The following PARD3B variants were observed in gnomAD, a reference collection of about 807,000 sequenced individuals.
PARD3B encodes the protein partitioning defective 3 homolog B.
PARD3B carries 103 observed loss-of-function variants against 130.2 expected under a neutral mutation model. That is an observed-to-expected ratio of 0.79 (90% CI 0.67 to 0.93). The LOEUF (loss-of-function observed/expected upper bound fraction) is 0.93, where lower values mean the gene tolerates loss of function less well. Among genes scored for constraint, PARD3B ranks in the 40% least tolerant of loss-of-function variants. The pLI is 0.00. For missense variants in PARD3B, 1,609 were observed against 1,499.2 expected (o/e 1.07, Z -1.21); for synonymous variants, 583 against 553.2 (o/e 1.05, Z -0.76).
chr2:205,132,974 G>T (rs1232454514), intron 10 of PARD3B, among the ~76,000 whole-genome samples: 1 of 151,990 alleles, frequency 6.6e-6, no homozygotes, highest in East Asian at 1.9e-4. Context: ...TAGAAGGCTG[G>T]GAAACGTATT....
In PARD3B at chr2:205,203,619, C is replaced by T. The variant is rs185058231; in HGVS notation, c.2140+10299C>T. On this transcript the variant is annotated intron_variant, in intron 15 of 22. Transcript: ENST00000406610. Reference sequence around the variant, plus strand: ...CCTCCCCTATGCTCCCACCCCCCAACAGGCCCTGGTGTGTGATGTTCCTCT... The same window carrying T: ...CCTCCCCTATGCTCCCACCCCCCAATAGGCCCTGGTGTGTGATGTTCCTCT... 3.8e-3 allele frequency among the ~76,000 whole-genome samples: 577 copies of T among 152,222 alleles called. 5 individuals are homozygous for T. The highest frequency in any genetic ancestry group is 0.013 in the African/African-American group (542 of 41,520).
chr2:205,458,399 C>T lies in PARD3B; in HGVS notation c.3044+17727C>T, dbSNP rs1324661193. Among the ~76,000 whole-genome samples the T allele has an allele frequency of 6.6e-6, 1 of 151,914 alleles. No homozygotes were observed. The highest frequency in any genetic ancestry group is 1.5e-5 in the Non-Finnish European group (1 of 67,964). On this transcript the variant is annotated intron_variant, in intron 20 of 22. Transcript: ENST00000406610. The surrounding 1 kb of genome is among the most constrained non-coding windows in gnomAD (Gnocchi z 4.8). ...CTGTACATGCGTCTTGCTCTCTGTT[C>T]GTTTCTGGTTTTCTCTCTGTGATGC...
At chr2:204,700,555 A>G (rs1213910332) in intron 2 of PARD3B, among the ~76,000 whole-genome samples, 1 of 152,158 alleles carries the variant, frequency 6.6e-6, no homozygotes, top group African/African-American at 2.4e-5. Context: ...TTAATACTTC[A>G]GCCAAATCAG....
intron 15 of PARD3B, among the ~76,000 whole-genome samples, chr2:205,234,987 A>G (rs532300532): frequency 6.6e-6 from 1 of 152,372 alleles, no homozygotes; most frequent in South Asian, 2.1e-4. Context: ...TATTTGAACT[A>G]CATGAAAATA....
At chr2:205,386,653 T>G (rs1224422686) in intron 18 of PARD3B, among the ~76,000 whole-genome samples, 1 of 26,684 alleles carries the variant, frequency 3.7e-5, no homozygotes, top group African/African-American at 9.5e-5. Context: ...TTAAGTAGAG[T>G]TTTTTTTTTT....
chr2:205,252,652 C>T (rs536199464), intron 16 of PARD3B, among the ~76,000 whole-genome samples: 6 of 151,968 alleles, frequency 3.9e-5, no homozygotes, highest in African/African-American at 1.5e-4. Context: ...AGTGTGGCAG[C>T]AGTACAAAGA....
intron 10 of PARD3B, among the ~76,000 whole-genome samples, chr2:205,126,134 A>G (rs931047948): frequency 1.3e-5 from 2 of 152,234 alleles, no homozygotes; most frequent in African/African-American, 2.4e-5. Flanking sequence ...AGTATTCAAA[A>G]TGGCGATGAA....
chr2:205,083,885 CTTGT>C (rs1391933492), intron 4 of PARD3B, among the ~76,000 whole-genome samples: 6 of 152,192 alleles, frequency 3.9e-5, no homozygotes, highest in African/African-American at 9.6e-5. Context: ...ACATTGCCAT[CTTGT>C]TTATTTTCCC....
intron 14 of PARD3B, among the ~76,000 whole-genome samples, chr2:205,192,886 G>A (rs2036470417): frequency 6.6e-6 from 1 of 152,166 alleles, no homozygotes; most frequent in South Asian, 2.1e-4. Flanking sequence ...CTTTTGAAGT[G>A]CTAGTGTTTT....
intron 19 of PARD3B, among the ~76,000 whole-genome samples, chr2:205,416,320 G>A (rs371308922): frequency 6.6e-6 from 1 of 152,094 alleles, no homozygotes. Flanking sequence ...ATCCTCTTAT[G>A]AGCATCTGAT....
At chr2:204,824,527 G>GTACATCA (rs1463812823) in intron 2 of PARD3B, among the ~76,000 whole-genome samples, 3 of 152,082 alleles carry the variant, frequency 2.0e-5, no homozygotes, top group African/African-American at 7.2e-5. Flanking sequence ...CTCTATTTGA[G>GTACATCA]TACATCATAT....
At position 205,067,218 on chromosome 2, in the gene PARD3B, A is replaced by G. The variant is rs568429040; in HGVS notation, c.504+19528A>G. On this transcript the variant is annotated intron_variant, in intron 4 of 22. Coordinates refer to ENST00000406610, the MANE Select transcript of PARD3B (RefSeq NM_001302769.2). The stretch of plus-strand genomic sequence containing the variant: ...ACTCTGTCACTCAGACTGGAGTGCA[A>G]TGCTGCAATCCTAGCTCACTGTAAG... Among the ~76,000 whole-genome samples the G allele has an allele frequency of 8.7e-5, 13 of 149,592 alleles. No homozygotes were observed. In the South Asian group the frequency reaches 1.3e-3, roughly 14 times the overall value.
chr2:204,714,166 A>G (rs1440682150), intron 2 of PARD3B, among the ~76,000 whole-genome samples: 1 of 152,176 alleles, frequency 6.6e-6, no homozygotes, highest in Admixed American at 6.5e-5. Context: ...TGTATTTCTG[A>G]GAATGGAAAT....
intron 1 of PARD3B, among the ~76,000 whole-genome samples, chr2:204,631,635 T>G (rs1309756999): frequency 1.3e-5 from 2 of 152,218 alleles, no homozygotes; most frequent in African/African-American, 4.8e-5. Context: ...ATTGTTATCC[T>G]ATCATCATGG....
chr2:205,033,656 A>C (rs968350979), intron 3 of PARD3B, among the ~76,000 whole-genome samples: 3 of 152,148 alleles, frequency 2.0e-5, no homozygotes, highest in Non-Finnish European at 4.4e-5. Context: ...TTTTACACCA[A>C]TATATTATCT....
Position 205,440,720 on chromosome 2 carries a change from C to G in PARD3B, c.3044+48C>G. On this transcript the variant is annotated intron_variant, in intron 20 of 22. Coordinates refer to ENST00000406610, the MANE Select transcript of PARD3B (RefSeq NM_001302769.2). This position sits in a 1 kb window ranked among gnomAD's most constrained non-coding sequence, Gnocchi z 4.2. ...AATGTAGCTTTAATTCAGTATGTTT[C>G]AAATCATCTCTACTGCTGAAACCGA... 6.5e-7 allele frequency: 1 copy of G among 1,532,722 alleles called. No homozygotes were observed. Among genetic ancestry groups the G allele is most frequent in the African/African-American group, 1.4e-5 (1 of 73,112 alleles). 94.9% of individuals were successfully genotyped at this position (1,532,722 alleles called of 1,614,324 possible). A position where few individuals can be genotyped will look rare whatever the true frequency, so the allele number is the denominator to read the frequency against.
At chr2:204,691,126 T>C (rs754577015) in intron 2 of PARD3B, among the ~76,000 whole-genome samples, 2 of 152,176 alleles carry the variant, frequency 1.3e-5, no homozygotes, top group Non-Finnish European at 2.9e-5. Context: ...CAAAGCTTAA[T>C]GCTTCCTTCC....
intron 1 of PARD3B, among the ~76,000 whole-genome samples, chr2:204,551,373 T>C (rs2030445182): frequency 6.6e-6 from 1 of 152,232 alleles, no homozygotes; most frequent in Non-Finnish European, 1.5e-5. Context: ...GAAAGAATTA[T>C]TAATGCTTCA....
chr2:204,947,177 G>A (rs979854917), intron 2 of PARD3B, among the ~76,000 whole-genome samples: 2 of 152,054 alleles, frequency 1.3e-5, no homozygotes, highest in African/African-American at 4.8e-5. Context: ...CATGACAGAG[G>A]GAGTGCTCTG....
Sources: gnomAD v4.1 joint callset for allele counts (sites outside exome capture counted in the v4.1 genomes callset) on GRCh38, gnomAD v4.1.1 for gene constraint, Gnocchi (gnomAD v3.1) non-coding constraint, MANE v1.5 for transcripts, NCBI Gene and HGNC (gene_info 2026-07-23, HGNC 2026-07-21) for gene names.